The following STK3 variants were observed in gnomAD, a reference collection of about 807,000 sequenced individuals.
STK3 encodes serine/threonine kinase 3, also known as serine/threonine-protein kinase 3.
STK3 carries 41 observed loss-of-function variants against 58.0 expected under a neutral mutation model. The ratio of observed to expected loss-of-function variants is 0.71; its 90% CI spans 0.55 to 0.92. The LOEUF (loss-of-function observed/expected upper bound fraction) is 0.92, where lower values mean the gene tolerates loss of function less well. Ranked by LOEUF, STK3 falls within the 40% of genes least tolerant of loss-of-function variation. The probability of loss-of-function intolerance (pLI) is 0.00; values close to 1 mark genes in which losing one functional copy is unlikely to be tolerated. For synonymous variants in STK3, 170 were observed against 191.0 expected (o/e 0.89, Z 0.91); for missense variants, 479 against 602.7 (o/e 0.79, Z 2.15).
rs1226530798 is a variant in STK3, at chr8:98,586,480, G to A, written c.823-6691C>T. 5.3e-5 allele frequency among the ~76,000 whole-genome samples: 8 copies of A among 149,784 alleles called. No homozygotes were observed. In the East Asian group the frequency reaches 1.6e-3, roughly 29 times the overall value. On this transcript the variant is annotated intron_variant, in intron 7 of 10. Coordinates refer to ENST00000419617, the MANE Select transcript of STK3 (RefSeq NM_006281.4). The stretch of plus-strand genomic sequence containing the variant: ...TCATGGTGGATAAGCTTTTTGATGT[G>A]CTGCTGGATTCGGTTTGCCAGTATT...
intron 6 of STK3, among the ~76,000 whole-genome samples, chr8:98,666,189 TAAA>T (rs780894377): frequency 7.3e-6 from 1 of 136,720 alleles, no homozygotes. Context: ...TTTGTAAATG[TAAA>T]AAAAAAAAAA....
At chr8:98,767,514 A>C (rs1330567504) in intron 2 of STK3, 143 bp from the exon 3 acceptor site, 3 of 790,918 alleles carry the variant, frequency 3.8e-6, no homozygotes, top group Middle Eastern at 3.6e-4. Context: ...AACAAGTAAC[A>C]ATTTTAAAAG....
intron 4 of STK3, among the ~76,000 whole-genome samples, chr8:98,746,597 A>G (rs1299109197): frequency 6.6e-6 from 1 of 152,144 alleles, no homozygotes. Flanking sequence ...TGAGTGACAG[A>G]GCAAGACCCT....
At chr8:98,614,976 G>C (rs894264558) in intron 6 of STK3, among the ~76,000 whole-genome samples, 2 of 152,220 alleles carry the variant, frequency 1.3e-5, no homozygotes, top group Non-Finnish European at 2.9e-5. Flanking sequence ...AAGGAGGCCT[G>C]CCTGCCTCTG....
intron 1 of STK3, among the ~76,000 whole-genome samples, chr8:98,446,272 C>T (rs1818944779): frequency 6.6e-6 from 1 of 152,194 alleles, no homozygotes; most frequent in African/African-American, 2.4e-5. Context: ...CGTGGGTGTC[C>T]ATGCCTGTAC....
At chr8:98,619,338 G>A (rs1285543872) in intron 6 of STK3, among the ~76,000 whole-genome samples, 3 of 151,866 alleles carry the variant, frequency 2.0e-5, no homozygotes, top group East Asian at 3.9e-4. Context: ...AGATTTAAAC[G>A]TTAGTCCTAA....
intron 4 of STK3, among the ~76,000 whole-genome samples, chr8:98,738,604 C>A (rs1036191370): frequency 2.0e-5 from 3 of 152,050 alleles, no homozygotes; most frequent in African/African-American, 7.2e-5. Context: ...TTTCTGGATC[C>A]GGGAGCCAAG....
chr8:98,489,587 C>G (rs1223318197), intron 10 of STK3, among the ~76,000 whole-genome samples: 1 of 151,986 alleles, frequency 6.6e-6, no homozygotes, highest in Non-Finnish European at 1.5e-5. Flanking sequence ...TTTCTATTAC[C>G]TTTTTGCTTT....
At chr8:98,471,797 G>A (rs889664362) in intron 10 of STK3, among the ~76,000 whole-genome samples, 2 of 152,198 alleles carry the variant, frequency 1.3e-5, no homozygotes, top group Admixed American at 6.5e-5. Context: ...CCTACTAGGT[G>A]TAAATCTGTC....
chr8:98,542,424 C>T (rs1162505859), intron 9 of STK3, among the ~76,000 whole-genome samples: 1 of 152,096 alleles, frequency 6.6e-6, no homozygotes, highest in Non-Finnish European at 1.5e-5. Flanking sequence ...ATTCAAACCC[C>T]TCTTATTCAT....
chr8:98,712,208 G>C (rs184034086), intron 4 of STK3, among the ~76,000 whole-genome samples: 79 of 152,338 alleles, frequency 5.2e-4, no homozygotes, highest in African/African-American at 1.7e-3. Flanking sequence ...TGAATGCTAG[G>C]AAGAAACTGT....
At chr8:98,747,089 C>CA (rs561765459) in intron 4 of STK3, among the ~76,000 whole-genome samples, 9,782 of 78,534 alleles carry the variant, frequency 0.12, 651 homozygotes, top group African/African-American at 0.25. Context: ...ACATTTTCAC[C>CA]AAAAAAAAAA....
intron 7 of STK3, among the ~76,000 whole-genome samples, chr8:98,581,681 G>C (rs1302055269): frequency 6.6e-6 from 1 of 151,364 alleles, no homozygotes; most frequent in East Asian, 2.0e-4. Flanking sequence ...TTTATTTCTA[G>C]TTTGTGTCCA....
At chr8:98,469,532 C>T (rs977683383) in intron 10 of STK3, among the ~76,000 whole-genome samples, 1 of 152,090 alleles carries the variant, frequency 6.6e-6, no homozygotes, top group Non-Finnish European at 1.5e-5. Context: ...GAAGCAGAGG[C>T]AGAGAACTGA....
chr8:98,581,131 C>T (rs954689650), intron 7 of STK3, among the ~76,000 whole-genome samples: 2 of 152,156 alleles, frequency 1.3e-5, no homozygotes, highest in Non-Finnish European at 2.9e-5. Flanking sequence ...TGGTTATATG[C>T]GACTAAGTGA....
At chr8:98,429,452 C>T in intron 3 of STK3, 1 of 1,457,902 alleles carries the variant, frequency 6.9e-7, no homozygotes, top group Non-Finnish European at 9.5e-7. Flanking sequence ...CATTGCTGAG[C>T]TGCCTCTTGT....
chr8:98,826,863 A>G (rs551570642), upstream of STK3, among the ~76,000 whole-genome samples: 430 of 134,066 alleles, frequency 3.2e-3, 3 homozygotes, highest in Non-Finnish European at 4.1e-3. Flanking sequence ...CGTCTCTACT[A>G]AAAATACAAA....
intron 8 of STK3, among the ~76,000 whole-genome samples, chr8:98,567,727 T>C (rs1412124685): frequency 6.6e-6 from 1 of 152,082 alleles, no homozygotes; most frequent in Admixed American, 6.6e-5. Context: ...GTTTTATAGA[T>C]TTATAAAGAG....
chr8:98,762,844 C>A (rs1255912081), intron 3 of STK3, among the ~76,000 whole-genome samples: 1 of 152,202 alleles, frequency 6.6e-6, no homozygotes, highest in Non-Finnish European at 1.5e-5. Flanking sequence ...GAGTGCTTCA[C>A]TTTGAACTGT....
Sources: gnomAD v4.1 joint callset for allele counts (sites outside exome capture counted in the v4.1 genomes callset) on GRCh38, gnomAD v4.1.1 for gene constraint, MANE v1.5 for transcripts, NCBI Gene and HGNC (gene_info 2026-07-23, HGNC 2026-07-21) for gene names.